Variants in MKI67 observed in about 807,000 individuals in gnomAD.
MKI67 encodes proliferation marker protein Ki-67.
Under a neutral mutation model 233.5 loss-of-function variants are expected in MKI67, and 152 were observed. That is an observed-to-expected ratio of 0.65 (90% confidence interval 0.57 to 0.74). MKI67 has a LOEUF of 0.74. MKI67 is among the 30% of genes least tolerant of loss of function. The pLI, the probability that MKI67 is intolerant of heterozygous loss-of-function variation, is 0.00. For synonymous variants in MKI67, 1,465 were observed against 1,418.5 expected (o/e 1.03, Z -0.74); for missense variants, 3,940 against 3,885.2 (o/e 1.01, Z -0.37).
Position 128,107,220 on chromosome 10 carries a change from T to G in MKI67, c.4620A>C (p.Thr1540=). The change falls in exon 13 of 15, where the codon ACA becomes ACC. Residue 1540 remains threonine, a synonymous_variant. Coordinates refer to ENST00000368654, the MANE Select transcript of MKI67 (RefSeq NM_002417.5). ...RTPSAGKAMH[T]PKPAVSGEKN... is the part of the protein sequence containing the mutation. ...TCTCACCACTTACTGCTGGTTTGGG[T>G]GTGTGCATGGCTTTGCCTGCTGATG... 6.2e-7 allele frequency: 1 copy of G among 1,614,048 alleles called. No individual in the cohort carries two copies.
Position 128,115,790 on chromosome 10 carries a change from A to T in MKI67, c.618T>A (p.Ile206=), listed in dbSNP as rs1256771218. ...AACGGCTCACTAATTTAACGCTGGA[A>T]ATTTCTTTAAAATCCCCAGAAATGG... ...ADPISGDFKE[I]SSVKLVSRYG... is the part of the protein sequence containing the mutation. Residue 206 remains isoleucine, a synonymous_variant, in exon 7 of 15, where the codon ATT becomes ATA. Coordinates refer to ENST00000368654, the MANE Select transcript of MKI67 (RefSeq NM_002417.5). The T allele has an allele frequency of 1.2e-6, 2 of 1,611,998 alleles. No homozygotes were observed. The highest frequency in any genetic ancestry group is 1.7e-5 in the Admixed American group (1 of 59,990).
Position 128,106,222 on chromosome 10 carries a change from G to A in MKI67, c.5618C>T (p.Thr1873Ile). Residue 1873 changes from threonine (T) to isoleucine (I), a missense_variant, in exon 13 of 15, where the codon ACA (threonine) becomes ATA (isoleucine). Transcript: ENST00000368654. Reference protein sequence around the residue: ...QSDPADTPTNTKQRPKRSLKK... With the variant: ...QSDPADTPTNIKQRPKRSLKK... ...GAGGCTTCTCTTGGGCCGTTGCTTT[G>A]TGTTTGTTGGGGTGTCCGCTGGGTC... The A allele has an allele frequency of 6.2e-7, 1 of 1,613,870 alleles. No individual in the cohort carries two copies. The highest frequency in any genetic ancestry group is 8.5e-7 in the Non-Finnish European group (1 of 1,180,006).
Position 128,099,064 on chromosome 10 carries a change from A to T in MKI67, c.*126T>A. ...GCCGATTCAGACCCAGCAAATCCAAAGTTTTCTTCCCTTAAGCAGACTGAC... is the reference window on the plus strand; with the variant it reads ...GCCGATTCAGACCCAGCAAATCCAATGTTTTCTTCCCTTAAGCAGACTGAC... On this transcript the variant is annotated 3_prime_UTR_variant, in exon 15 of 15. Coordinates refer to ENST00000368654, the MANE Select transcript of MKI67 (RefSeq NM_002417.5). The T allele has an allele frequency of 1.5e-6, 1 of 679,910 alleles. No individual in the cohort carries two copies. The allele number at this position is 679,910 out of a possible 1,614,324, so 42.1% of individuals were successfully genotyped here. A position where few individuals can be genotyped will look rare whatever the true frequency, so the allele number is the denominator to read the frequency against.
Position 128,123,492 on chromosome 10 carries a change from C to T in MKI67, c.93-323G>A, listed in dbSNP as rs186178153. 4.6e-5 allele frequency among the ~76,000 whole-genome samples: 7 copies of T among 152,302 alleles called. No homozygotes were observed. In the East Asian group the frequency reaches 1.3e-3, roughly 29 times the overall value. ...TACTTACATCAATTTTGGATAATGA[C>T]TATTTTTAATACTCTGTGCTTTTTC... On this transcript the variant is annotated intron_variant, in intron 2 of 14. Transcript: ENST00000368654.
At chr10:128,123,031 T>C (rs376839449) in intron 3 of MKI67, 35 bp from the exon 4 acceptor site, 337 of 1,571,878 alleles carry the variant, frequency 2.1e-4, no homozygotes, top group Non-Finnish European at 2.8e-4. Context: ...ATGTAACTAA[T>C]GAACAGATTA....
intron 11 of MKI67, among the ~76,000 whole-genome samples, 168 bp from the exon 12 acceptor site, chr10:128,110,701 C>G (rs1338931814): frequency 6.6e-6 from 1 of 152,172 alleles, no homozygotes; most frequent in Non-Finnish European, 1.5e-5. Flanking sequence ...ATAATGTACT[C>G]ATTTTGTAAA....
chr10:128,113,802 G>A (rs1024420581), intron 7 of MKI67, among the ~76,000 whole-genome samples, 200 bp from the exon 8 acceptor site: 7 of 152,168 alleles, frequency 4.6e-5, no homozygotes, highest in African/African-American at 7.2e-5. Context: ...CCACTAAGAC[G>A]TCAAGTTGCC....
Position 128,101,491 on chromosome 10 carries a change from A to G in MKI67, c.9472T>C (p.Ser3158Pro). Residue 3158 changes from serine to proline, a missense_variant, in exon 14 of 15, where the codon TCT becomes CCT. Coordinates refer to ENST00000368654, the MANE Select transcript of MKI67 (RefSeq NM_002417.5). ...TGGGAGCTCTCATTCTGTCTAGCAG[A>G]CCTCAAGCACCTTTTGTTCTCAGTG... ...KVTENKRCLRSARQNESSQPK... is the reference protein window; with the variant it reads ...KVTENKRCLRPARQNESSQPK... The G allele has an allele frequency of 6.2e-7, 1 of 1,614,052 alleles. No individual in the cohort carries two copies. Among genetic ancestry groups the G allele is most frequent in the Non-Finnish European group, 8.5e-7 (1 of 1,180,012 alleles).
At chr10:128,110,249 G>A (rs1852642082) in intron 12 of MKI67, 129 bp downstream of exon 12, 2 of 669,244 alleles carry the variant, frequency 3.0e-6, no homozygotes, top group Non-Finnish European at 4.6e-6. Context: ...TTAGAACAGA[G>A]AAGACGGAAA....
At position 128,108,374 on chromosome 10, in the gene MKI67, C is replaced by T. The variant is rs1380136034; in HGVS notation, c.3466G>A (p.Val1156Ile). ...CTGAGTGCTAAGAATTCTTCCTCTA[C>T]ATCTGCTTTCCTGAGACTTCTCTTA... ...WPKRSLRKADVEEEFLALRKL... is the reference protein window; with the variant it reads ...WPKRSLRKADIEEEFLALRKL... Residue 1156 changes from valine (V) to isoleucine (I), a missense_variant, in exon 13 of 15, where the codon GTA (valine) becomes ATA (isoleucine). Transcript: ENST00000368654. 1 of 1,614,138 alleles carries T rather than the reference C, an allele frequency of 6.2e-7. No individual in the cohort carries two copies. The highest frequency in any genetic ancestry group is 1.3e-5 in the African/African-American group (1 of 75,024).
chr10:128,104,097 G>C lies in MKI67; in HGVS notation c.7743C>G (p.Asn2581Lys). 6.2e-7 allele frequency: 1 copy of C among 1,614,030 alleles called. No homozygotes were observed. Among genetic ancestry groups the C allele is most frequent in the Non-Finnish European group, 8.5e-7 (1 of 1,180,026 alleles). ...GGGGAGATTTGCAGGGAATTTTTGT[G>C]TTTTTGTCAATAGTCATTGACTCTT... ...HTEESMTIDK[N>K]TKIPCKSPPP... The change falls in exon 13 of 15, where the codon AAC becomes AAG. Residue 2581 changes from asparagine (N) to lysine (K), a missense_variant. Transcript: ENST00000368654.
In MKI67 at chr10:128,117,986, G is replaced by A. The variant is rs549415179; in HGVS notation, c.354+1267C>T. ...TTGGTTTATTTACTCCCATAGACTA[G>A]CAAGTTGCCTGGTGGCTACAGTGTG... On this transcript the variant is annotated intron_variant, in intron 5 of 14. Coordinates refer to ENST00000368654, the MANE Select transcript of MKI67 (RefSeq NM_002417.5). Among the ~76,000 whole-genome samples the A allele has an allele frequency of 2.0e-5, 3 of 152,292 alleles. No homozygotes were observed. The East Asian group carries it at 5.8e-4, about 29-fold the overall frequency.
At chr10:128,114,707 C>T (rs190988370) in intron 7 of MKI67, among the ~76,000 whole-genome samples, 4 of 152,290 alleles carry the variant, frequency 2.6e-5, no homozygotes, top group Non-Finnish European at 5.9e-5. Context: ...TCATGATTGC[C>T]TGACAACTTC....
Position 128,107,892 on chromosome 10 carries a change from T to C in MKI67, c.3948A>G (p.Pro1316=). Residue 1316 remains proline (P), a synonymous_variant, in exon 13 of 15, where the codon CCA becomes CCG. Coordinates refer to ENST00000368654, the MANE Select transcript of MKI67 (RefSeq NM_002417.5). ...TCTCTGTCAGGTCCAGTTTCTGCACTGGAGTTCCCACAAATATGATGATGT... is the reference window on the plus strand; with the variant it reads ...TCTCTGTCAGGTCCAGTTTCTGCACCGGAGTTCCCACAAATATGATGATGT... ...EKDIIIFVGT[P]VQKLDLTENL... 1 of 1,613,714 alleles carries C rather than the reference T, an allele frequency of 6.2e-7. No homozygotes were observed.
rs1246669962 is a variant in MKI67, at chr10:128,109,368, G to T, written c.2472C>A (p.Cys824Ter). 3.1e-6 allele frequency: 5 copies of T among 1,614,010 alleles called. No homozygotes were observed. The highest frequency in any genetic ancestry group is 4.2e-6 in the Non-Finnish European group (5 of 1,180,004). ...GCCGTCTTAAGGGAGGGCTTGCAGA[G>T]CATTTATCAGATGGCTGTTTTGCTG... ...QNAAKQPSDK[C>*]SASPPLRRQC... The change falls in exon 13 of 15, where the codon TGC (cysteine) becomes TGA (stop). Residue 824 changes from cysteine (C) to a stop codon, truncating the protein, a stop_gained. Transcript: ENST00000368654. LOFTEE classifies it high-confidence loss of function.
intron 2 of MKI67, among the ~76,000 whole-genome samples, chr10:128,124,893 G>C (rs1853022308): frequency 1.3e-5 from 1 of 76,114 alleles, no homozygotes; most frequent in East Asian, 4.6e-4. Flanking sequence ...ACAAGGTAGG[G>C]GATGGGGTTG....
rs1852576807 is a variant in MKI67, at chr10:128,108,372, T to C, written c.3468A>G (p.Val1156=). 2 of 1,614,190 alleles carry C rather than the reference T, an allele frequency of 1.2e-6. No homozygotes were observed. The highest frequency in any genetic ancestry group is 1.7e-6 in the Non-Finnish European group (2 of 1,180,042). ...WPKRSLRKAD[V]EEEFLALRKL... ...TCCTGAGTGCTAAGAATTCTTCCTC[T>C]ACATCTGCTTTCCTGAGACTTCTCT... The change falls in exon 13 of 15, where the codon GTA becomes GTG. Residue 1156 remains valine, a synonymous_variant. Coordinates refer to ENST00000368654, the MANE Select transcript of MKI67 (RefSeq NM_002417.5).
rs147190125 is a variant in MKI67 at position 128,103,789 on chromosome 10, T to A, written c.8051A>T (p.Glu2684Val). The part of the protein sequence containing the change: ...QPLEDLAGFT[E>V]LSETSGHTQE... ...AGTGTGACCTGATGTTTCAGAGAGC[T>A]CTGTGAAGCCGGCCAGGTCTTCCAG... The change falls in exon 13 of 15, where the codon GAG becomes GTG. Residue 2684 changes from glutamate to valine, a missense_variant. Coordinates refer to ENST00000368654, the MANE Select transcript of MKI67 (RefSeq NM_002417.5). The A allele has an allele frequency of 1.2e-6, 2 of 1,613,958 alleles. No homozygotes were observed. Among genetic ancestry groups the A allele is most frequent in the African/African-American group, 1.3e-5 (1 of 74,942 alleles).
chr10:128,123,315 C>A, intron 2 of MKI67, 146 bp from the exon 3 acceptor site: 1 of 638,966 alleles, frequency 1.6e-6, no homozygotes, highest in Non-Finnish European at 2.8e-6. Context: ...GCAATGTAAA[C>A]GATCTTGCAT....
Sources: gnomAD v4.1 joint callset for allele counts (sites outside exome capture counted in the v4.1 genomes callset) on GRCh38, gnomAD v4.1.1 for gene constraint, MANE v1.5 for transcripts, NCBI Gene and HGNC (gene_info 2026-07-23, HGNC 2026-07-21) for gene names.